RNF217: variants seen among roughly 807,000 people sequenced by gnomAD.
RNF217 encodes the protein ring finger protein 217.
A neutral mutation model predicts 57.8 loss-of-function variants in RNF217; 31 were observed. The observed-to-expected ratio is 0.54, with a 90% CI of 0.40 to 0.72. The LOEUF (loss-of-function observed/expected upper bound fraction) is 0.72. RNF217 is among the 30% of genes least tolerant of loss of function. The pLI is 0.00. For missense variants in RNF217, 696 were observed against 708.3 expected (o/e 0.98, Z 0.20); for synonymous variants, 313 against 294.0 (o/e 1.06, Z -0.66).
Position 125,026,550 on chromosome 6 carries a change from C to T in RNF217, c.883-18661C>T, listed in dbSNP as rs114902786. Among the ~76,000 whole-genome samples, 1,376 of 152,270 alleles carry T rather than the reference C, an allele frequency of 9.0e-3. 26 individuals are homozygous for T. The highest frequency in any genetic ancestry group is 0.032 in the African/African-American group (1,312 of 41,548). On this transcript the variant is annotated intron_variant, in intron 1 of 5. Transcript: ENST00000521654. ...TAGAGCATTGAGAGCGTAAACGTGT[C>T]ATCAGTACTCCACATTTCTGTGTAG...
intron 1 of RNF217, among the ~76,000 whole-genome samples, chr6:124,997,365 A>C (rs1336235484): frequency 1.3e-5 from 2 of 152,230 alleles, no homozygotes; most frequent in Admixed American, 6.5e-5. Flanking sequence ...AAAGGATGGA[A>C]GATATTCCTG....
intron 2 of RNF217, among the ~76,000 whole-genome samples, chr6:125,050,187 T>G (rs548862): frequency 0.24 from 35,844 of 151,600 alleles, 8,979 homozygotes; most frequent in African/African-American, 0.64. Flanking sequence ...GCAGACTGAA[T>G]AAATGATCCC....
chr6:124,986,050 A>G (rs1360832149), intron 1 of RNF217, among the ~76,000 whole-genome samples: 1 of 152,172 alleles, frequency 6.6e-6, no homozygotes, highest in Admixed American at 6.5e-5. Flanking sequence ...CATGAAAGCT[A>G]ATTTCTTTCA....
At chr6:125,036,015 C>A (rs191257926) in intron 1 of RNF217, among the ~76,000 whole-genome samples, 3 of 151,800 alleles carry the variant, frequency 2.0e-5, no homozygotes, top group African/African-American at 7.3e-5. Flanking sequence ...CCCATCAACC[C>A]GTCATCTAGG....
intron 1 of RNF217, among the ~76,000 whole-genome samples, chr6:125,033,973 T>C (rs1454541305): frequency 1.6e-4 from 24 of 152,022 alleles, no homozygotes; most frequent in African/African-American, 5.8e-4. Context: ...TCATGTGTCT[T>C]TTGGCTGCAT....
chr6:125,067,732 A>C (rs1787986885), intron 3 of RNF217, among the ~76,000 whole-genome samples: 1 of 152,210 alleles, frequency 6.6e-6, no homozygotes, highest in Admixed American at 6.5e-5. Context: ...GCAAACAGTT[A>C]CTATGTGAGT....
At chr6:124,992,346 G>GT (rs1784590747) in intron 1 of RNF217, among the ~76,000 whole-genome samples, 1 of 152,046 alleles carries the variant, frequency 6.6e-6, no homozygotes, top group Admixed American at 6.6e-5. Flanking sequence ...ATTAAAACAT[G>GT]TTTTCTATTC....
At position 125,083,301 on chromosome 6, in the gene RNF217, C is replaced by T. The variant is rs1380930446; in HGVS notation, c.*364C>T. The T allele has an allele frequency of 1.2e-5, 2 of 163,200 alleles. No individual in the cohort carries two copies. The highest frequency in any genetic ancestry group is 2.6e-5 in the Non-Finnish European group (2 of 75,786). The allele number at this position is 163,200 out of a possible 1,614,324, so 10.1% of individuals were successfully genotyped here. A position where few individuals can be genotyped will look rare whatever the true frequency, so the allele number is the denominator to read the frequency against. ...TGGACTGTCTTTGAACTCTGCACCT[C>T]CTTCCAGGCCATCTTGTGAGACTTG... On this transcript the variant is annotated 3_prime_UTR_variant, in exon 6 of 6. Coordinates refer to ENST00000521654, the MANE Select transcript of RNF217 (RefSeq NM_001286398.3).
At chr6:125,048,978 A>AGTCTCACTTT (rs1259905687) in intron 2 of RNF217, among the ~76,000 whole-genome samples, 1 of 152,044 alleles carries the variant, frequency 6.6e-6, no homozygotes, top group East Asian at 1.9e-4. Flanking sequence ...TGTCAAATCC[A>AGTCTCACTTT]GTCTCACTTT....
intron 1 of RNF217, chr6:124,996,800 C>G (rs1364546436): frequency 6.6e-6 from 1 of 152,142 alleles, no homozygotes; most frequent in East Asian, 1.9e-4. Flanking sequence ...TATAACATTC[C>G]TCTTAACTGC....
chr6:125,077,752 C>T (rs1472912670), intron 4 of RNF217, among the ~76,000 whole-genome samples: 1 of 152,152 alleles, frequency 6.6e-6, no homozygotes, highest in Non-Finnish European at 1.5e-5. Context: ...CCGTGTTTCT[C>T]ATGTGTAGGC....
At chr6:125,042,960 G>C (rs779535952) in intron 1 of RNF217, among the ~76,000 whole-genome samples, 1 of 152,058 alleles carries the variant, frequency 6.6e-6, no homozygotes, top group Non-Finnish European at 1.5e-5. Context: ...GGTGGCCCAA[G>C]TAAGCCCCTT....
At chr6:125,018,330 G>A (rs1426890759) in intron 1 of RNF217, among the ~76,000 whole-genome samples, 1 of 152,166 alleles carries the variant, frequency 6.6e-6, no homozygotes, top group Non-Finnish European at 1.5e-5. Context: ...CACTGGTATT[G>A]AGCAAGAAAA....
At chr6:125,003,822 T>C (rs566797092) in intron 1 of RNF217, among the ~76,000 whole-genome samples, 124 of 152,228 alleles carry the variant, frequency 8.1e-4, no homozygotes, top group Non-Finnish European at 1.4e-3. Flanking sequence ...GCTCATAGCT[T>C]CTTATATGCT....
At chr6:125,030,637 A>C (rs1467237239) in intron 1 of RNF217, among the ~76,000 whole-genome samples, 1 of 152,216 alleles carries the variant, frequency 6.6e-6, no homozygotes, top group African/African-American at 2.4e-5. Context: ...TATCCAGGTC[A>C]CGCTGATGCA....
At chr6:125,050,928 G>C (rs1185194477) in intron 2 of RNF217, among the ~76,000 whole-genome samples, 2 of 151,838 alleles carry the variant, frequency 1.3e-5, no homozygotes, top group East Asian at 3.9e-4. Flanking sequence ...GTCTAGCCCT[G>C]TTGATAGACG....
intron 3 of RNF217, among the ~76,000 whole-genome samples, chr6:125,076,011 A>G (rs1390326475): frequency 1.3e-5 from 2 of 152,130 alleles, no homozygotes; most frequent in Non-Finnish European, 2.9e-5. Flanking sequence ...TCCTTGTTAC[A>G]TGATGGGTGA....
At chr6:125,019,324 C>G (rs1562470737) in intron 1 of RNF217, among the ~76,000 whole-genome samples, 1 of 152,096 alleles carries the variant, frequency 6.6e-6, no homozygotes, top group Non-Finnish European at 1.5e-5. Flanking sequence ...GATTGACTTC[C>G]TATTACAAAA....
At chr6:125,076,543 T>G (rs1198119571) in intron 3 of RNF217, 114 bp from the exon 4 acceptor site, 2 of 674,102 alleles carry the variant, frequency 3.0e-6, no homozygotes, top group Non-Finnish European at 5.3e-6. Flanking sequence ...AGGAGTGCTG[T>G]GAGAGACTTT....
Sources: allele counts gnomAD v4.1 joint callset (sites outside exome capture counted in the v4.1 genomes callset), GRCh38; gene constraint gnomAD v4.1.1; transcripts MANE v1.5; gene names NCBI Gene and HGNC (gene_info 2026-07-23, HGNC 2026-07-21).